ZNF717: variants seen among roughly 807,000 people sequenced by gnomAD.
The protein encoded by ZNF717 is krueppel-like factor X17.
In ZNF717, 9 loss-of-function variants were observed where a neutral mutation model predicts 13.8. The ratio of observed to expected loss-of-function variants is 0.65; its 90% CI spans 0.39 to 1.14. The LOEUF is 1.14. Ranked by LOEUF, ZNF717 falls within the 50% of genes most tolerant of loss-of-function variation. ZNF717 has a pLI of 0.01. For missense variants in ZNF717, 1,040 were observed against 1,080.7 expected (o/e 0.96, Z 0.53); for synonymous variants, 327 against 364.1 (o/e 0.90, Z 1.16).
intron 2 of ZNF717, among the ~76,000 whole-genome samples, chr3:75,744,638 G>C (rs1392406494): frequency 6.6e-6 from 1 of 152,230 alleles, no homozygotes; most frequent in Non-Finnish European, 1.5e-5. Context: ...AAACTACAAA[G>C]AGATAGAGTT....
chr3:75,783,216 T>C (rs762673152), intron 2 of ZNF717, 90 bp downstream of exon 2: 1 of 1,006,322 alleles, frequency 9.9e-7, no homozygotes, highest in Non-Finnish European at 1.5e-6. Context: ...TGAGTTTTAC[T>C]TATTTCCACT....
rs1296795734 is a variant in ZNF717, at chr3:75,737,090, T to G, written c.2533A>C (p.Asn845His). 8 of 1,587,160 alleles carry G rather than the reference T, an allele frequency of 5.0e-6. No homozygotes were observed. Among genetic ancestry groups the G allele is most frequent in the Non-Finnish European group, 6.9e-6 (8 of 1,166,684 alleles). ...TGGGAGAAAGTTTTCCTACATTCATTACATCTAAAGGGTTTTTCCCCTGTG... is the reference window on the plus strand; with the variant it reads ...TGGGAGAAAGTTTTCCTACATTCATGACATCTAAAGGGTTTTTCCCCTGTG... Reference protein sequence around the residue: ...THTGEKPFRCNECRKTFSQKS... With the variant: ...THTGEKPFRCHECRKTFSQKS... Residue 845 changes from asparagine (N) to histidine (H), a missense_variant, in exon 5 of 5, where the codon AAT becomes CAT. Coordinates refer to ENST00000652011, the MANE Select transcript of ZNF717 (RefSeq NM_001290208.3).
intron 1 of ZNF717, 88 bp from the exon 2 acceptor site, chr3:75,783,452 A>G: frequency 9.5e-7 from 1 of 1,057,382 alleles, no homozygotes; most frequent in African/African-American, 1.6e-5. Flanking sequence ...TAGACACATT[A>G]CCTGGAAAAG....
intron 2 of ZNF717, among the ~76,000 whole-genome samples, chr3:75,746,718 T>C (rs1289564624): frequency 6.6e-6 from 1 of 152,320 alleles, no homozygotes; most frequent in East Asian, 1.9e-4. Flanking sequence ...CGCCCACTTG[T>C]TGATGGGTTT....
At chr3:75,720,709 A>T (rs78336475) in intron 4 of ZNF717, among the ~76,000 whole-genome samples, 7 of 145,666 alleles carry the variant, frequency 4.8e-5, no homozygotes, top group Non-Finnish European at 3.1e-5. Context: ...TAAGTTGGGC[A>T]CAGTGGCTCA....
intron 2 of ZNF717, among the ~76,000 whole-genome samples, chr3:75,767,728 G>T (rs1412794933): frequency 1.3e-5 from 2 of 152,232 alleles, no homozygotes; most frequent in Non-Finnish European, 2.9e-5. Context: ...CATCTGAGAA[G>T]AATGTGGAAA....
downstream of ZNF717, among the ~76,000 whole-genome samples, chr3:75,708,059 C>CT (rs1178948066): frequency 6.6e-6 from 1 of 152,258 alleles, no homozygotes; most frequent in Non-Finnish European, 1.5e-5. Flanking sequence ...GCAGTAACCT[C>CT]TGCAGACTCA....
Position 75,739,079 on chromosome 3 carries a change from C to A in ZNF717, c.544G>T (p.Val182Phe), listed in dbSNP as rs913047138. ...GETQSGEKPH[V>F]CDITRRSHRH... ...TGGGATCTCCTGGTTATATCACAGA[C>A]ATGAGGTTTCTCTCCAGACTGTGTC... Residue 182 changes from valine (V) to phenylalanine (F), a missense_variant, in exon 5 of 5, where the codon GTC becomes TTC. Physicochemically the swap from Val to Phe is conservative, Grantham distance 50. Around this residue, in one of 3 missense-constraint regions of ZNF717, gnomAD observed 873 missense variants for 832.8 expected, o/e 1.05. Coordinates refer to ENST00000652011, the MANE Select transcript of ZNF717 (RefSeq NM_001290208.3). The A allele has an allele frequency of 6.4e-7, 1 of 1,551,562 alleles. No homozygotes were observed.
chr3:75,723,628 C>CA, intron 4 of ZNF717, among the ~76,000 whole-genome samples: 1 of 152,188 alleles, frequency 6.6e-6, no homozygotes, highest in South Asian at 2.1e-4. Context: ...GCTGAAGGGA[C>CA]ATGGTGAGAA....
At chr3:75,718,806 C>G (rs6810029) in intron 4 of ZNF717, among the ~76,000 whole-genome samples, 3,594 of 152,268 alleles carry the variant, frequency 0.024, 149 homozygotes, top group African/African-American at 0.081. Context: ...AATGCTCACT[C>G]AGCCACCACT....
rs1237647483 is a variant in ZNF717 at position 75,736,789 on chromosome 3, G to C, written c.*89C>G. On this transcript the variant is annotated 3_prime_UTR_variant, in exon 5 of 5. Transcript: ENST00000652011. ...TAAGACCTTCTTGTTGGTAGGCCAGGAGGTAATGGTCACCATTTGTGTCCA... is the reference window on the plus strand; with the variant it reads ...TAAGACCTTCTTGTTGGTAGGCCAGCAGGTAATGGTCACCATTTGTGTCCA... 2.2e-6 allele frequency: 3 copies of C among 1,356,866 alleles called. No individual in the cohort carries two copies. The African/African-American group carries it at 4.5e-5, about 20-fold the overall frequency. 84.1% of individuals were successfully genotyped at this position (1,356,866 alleles called of 1,614,324 possible).
At chr3:75,765,301 C>G (rs976557839) in intron 2 of ZNF717, among the ~76,000 whole-genome samples, 50 of 152,120 alleles carry the variant, frequency 3.3e-4, no homozygotes, top group African/African-American at 9.2e-4. Flanking sequence ...ATCTGCTACA[C>G]AACACTGTAA....
At chr3:75,771,859 C>A (rs539299660) in intron 2 of ZNF717, among the ~76,000 whole-genome samples, 1 of 152,252 alleles carries the variant, frequency 6.6e-6, no homozygotes, top group African/African-American at 2.4e-5. Flanking sequence ...CTCAGTCATA[C>A]CTGGTCCTGC....
At chr3:75,731,946 A>G, downstream of ZNF717, 1 of 649,152 alleles carries the variant, frequency 1.5e-6, no homozygotes, top group South Asian at 1.7e-5. Flanking sequence ...GTGCTGGAGT[A>G]GAAAATCTTG....
intron 4 of ZNF717, among the ~76,000 whole-genome samples, chr3:75,717,465 C>T (rs1473826180): frequency 6.6e-6 from 1 of 152,102 alleles, no homozygotes; most frequent in African/African-American, 2.4e-5. Context: ...TCTGATAAGT[C>T]AGGAGGATGA....
chr3:75,776,825 T>C (rs1944359726), intron 2 of ZNF717, among the ~76,000 whole-genome samples: 1 of 152,218 alleles, frequency 6.6e-6, no homozygotes, highest in African/African-American at 2.4e-5. Context: ...CTCTTAAGTA[T>C]CTGTGCAGCT....
At chr3:75,721,144 T>C (rs1938158742) in intron 4 of ZNF717, among the ~76,000 whole-genome samples, 2 of 152,322 alleles carry the variant, frequency 1.3e-5, no homozygotes, top group East Asian at 1.9e-4. Context: ...GAAAAACTAC[T>C]TGAAAATAAT....
intron 2 of ZNF717, among the ~76,000 whole-genome samples, chr3:75,757,946 C>G (rs995718659): frequency 7.5e-6 from 1 of 132,566 alleles, no homozygotes; most frequent in African/African-American, 2.6e-5. Flanking sequence ...AACCCTGTCT[C>G]TACTAAAAAA....
downstream of ZNF717, among the ~76,000 whole-genome samples, chr3:75,733,775 T>G (rs1356900004): frequency 6.6e-4 from 2 of 3,038 alleles, no homozygotes; most frequent in Non-Finnish European, 1.5e-3. Context: ...CAAGACTCTA[T>G]CTCAAAAAAA....
Sources: gnomAD v4.1 joint callset for allele counts (sites outside exome capture counted in the v4.1 genomes callset) on GRCh38, gnomAD v4.1.1 for gene constraint, gnomAD v4.1.1 regional missense constraint, MANE v1.5 for transcripts, NCBI Gene and HGNC (gene_info 2026-07-23, HGNC 2026-07-21) for gene names.